The following THSD7A variants were observed in gnomAD, a reference collection of about 807,000 sequenced individuals.
THSD7A encodes the protein thrombospondin type-1 domain-containing protein 7A.
Under a neutral mutation model 231.3 loss-of-function variants are expected in THSD7A, and 96 were observed. That is an observed-to-expected ratio of 0.41 (90% confidence interval 0.35 to 0.49). THSD7A has a LOEUF of 0.49. THSD7A is among the 20% of genes least tolerant of loss of function. The pLI is 0.05. For missense variants in THSD7A, 2,290 were observed against 2,070.2 expected (o/e 1.11, Z -2.06); for synonymous variants, 940 against 743.3 (o/e 1.26, Z -4.30).
At chr7:11,419,205 CTT>C (rs1416203806) in intron 16 of THSD7A, among the ~76,000 whole-genome samples, 1 of 152,122 alleles carries the variant, frequency 6.6e-6, no homozygotes, top group Non-Finnish European at 1.5e-5. Flanking sequence ...AAAGATTTCT[CTT>C]GATATGATTT....
chr7:11,521,265 A>G (rs1265998629), intron 6 of THSD7A, among the ~76,000 whole-genome samples: 1 of 152,124 alleles, frequency 6.6e-6, no homozygotes, highest in African/African-American at 2.4e-5. Flanking sequence ...AATGTCATCT[A>G]GGTTACCTTT....
At chr7:11,587,574 C>G (rs183436109) in intron 4 of THSD7A, among the ~76,000 whole-genome samples, 1 of 152,136 alleles carries the variant, frequency 6.6e-6, no homozygotes, top group African/African-American at 2.4e-5. Flanking sequence ...TCTACTGACA[C>G]AAATAGCATA....
Position 11,542,827 on chromosome 7 carries a change from A to G in THSD7A, c.1609+135T>C, listed in dbSNP as rs569099944. 1.9e-4 allele frequency: 180 copies of G among 969,296 alleles called. No individual in the cohort carries two copies. In the African/African-American group the frequency reaches 2.7e-3, roughly 15 times the overall value. 60.0% of individuals were successfully genotyped at this position (969,296 alleles called of 1,614,324 possible). A position where few individuals can be genotyped will look rare whatever the true frequency, so the allele number is the denominator to read the frequency against. ...TACTATCACTGGAGAAGGTTAATTC[A>G]TCTTTTGAAATTAATAGTCTTTAGC... is the stretch of plus-strand genomic sequence containing the variant. On this transcript the variant is annotated intron_variant, in intron 5 of 27. Transcript: ENST00000423059.
Position 11,634,234 on chromosome 7 carries a change from T to A in THSD7A, c.1022+1896A>T, listed in dbSNP as rs1348528318. Among the ~76,000 whole-genome samples, 1 of 152,214 alleles carries A rather than the reference T, an allele frequency of 6.6e-6. No individual in the cohort carries two copies. The highest frequency in any genetic ancestry group is 1.9e-4 in the East Asian group (1 of 5,198). ...TCAATTTATTGGAAGTTATATATGC[T>A]ATTTCTAATGGGATACAAGTTCCTG... On this transcript the variant is annotated intron_variant, in intron 2 of 27. Transcript: ENST00000423059. The surrounding 1 kb of genome is among the most constrained non-coding windows in gnomAD (Gnocchi z 4.1).
At chr7:11,662,609 C>T (rs76606419) in intron 1 of THSD7A, among the ~76,000 whole-genome samples, 9,290 of 151,370 alleles carry the variant, frequency 0.061, 311 homozygotes, top group East Asian at 0.13. Context: ...TACTGCATAA[C>T]GAATACCATT....
intron 23 of THSD7A, among the ~76,000 whole-genome samples, chr7:11,396,969 G>T (rs1369576661): frequency 6.6e-6 from 1 of 152,028 alleles, no homozygotes; most frequent in Admixed American, 6.6e-5. Flanking sequence ...ATGCAAGGCG[G>T]GTTCAACATA....
chr7:11,801,981 T>G (rs1308967099), intron 1 of THSD7A, among the ~76,000 whole-genome samples: 12 of 152,224 alleles, frequency 7.9e-5, no homozygotes. Flanking sequence ...TCAGAGTAAG[T>G]ATTTCAATAT....
chr7:11,713,847 A>G (rs1359633253), intron 1 of THSD7A, among the ~76,000 whole-genome samples: 1 of 151,292 alleles, frequency 6.6e-6, no homozygotes, highest in Non-Finnish European at 1.5e-5. Context: ...TTTATTAAAT[A>G]GAATACTGGT....
At chr7:11,727,238 A>G (rs146642251) in intron 1 of THSD7A, among the ~76,000 whole-genome samples, 5 of 151,996 alleles carry the variant, frequency 3.3e-5, no homozygotes, top group East Asian at 2.0e-4. Context: ...CAGGTATTCA[A>G]TTTTGACTCT....
intron 2 of THSD7A, among the ~76,000 whole-genome samples, chr7:11,629,029 A>C (rs1781565539): frequency 6.6e-6 from 1 of 152,222 alleles, no homozygotes; most frequent in African/African-American, 2.4e-5. Flanking sequence ...AATCTGAGGT[A>C]GACCTAGAGC....
At chr7:11,418,576 T>C (rs1784037377) in intron 16 of THSD7A, among the ~76,000 whole-genome samples, 1 of 152,180 alleles carries the variant, frequency 6.6e-6, no homozygotes, top group Non-Finnish European at 1.5e-5. Context: ...CCTAGTGTCA[T>C]GTTTTAAAAT....
At chr7:11,777,699 C>A (rs1348206625) in intron 1 of THSD7A, among the ~76,000 whole-genome samples, 1 of 151,998 alleles carries the variant, frequency 6.6e-6, no homozygotes, top group African/African-American at 2.4e-5. Context: ...GAGAGGAAGG[C>A]GTTGGAGAAA....
intron 6 of THSD7A, among the ~76,000 whole-genome samples, chr7:11,503,526 A>C (rs1406354702): frequency 6.6e-6 from 1 of 152,162 alleles, no homozygotes; most frequent in African/African-American, 2.4e-5. Flanking sequence ...CAAAAAACCT[A>C]CAGAATAGGA....
chr7:11,568,422 G>A (rs950694553), intron 4 of THSD7A, among the ~76,000 whole-genome samples: 5 of 151,810 alleles, frequency 3.3e-5, no homozygotes, highest in African/African-American at 1.2e-4. Flanking sequence ...TCAGGAGATC[G>A]AGACCATCCT....
intron 23 of THSD7A, among the ~76,000 whole-genome samples, chr7:11,396,945 G>A (rs1467337821): frequency 6.6e-6 from 1 of 152,140 alleles, no homozygotes; most frequent in Non-Finnish European, 1.5e-5. Context: ...GATCAAGTCG[G>A]CTTCATCCCT....
chr7:11,506,766 C>T (rs993331973), intron 6 of THSD7A, among the ~76,000 whole-genome samples: 6 of 152,178 alleles, frequency 3.9e-5, no homozygotes, highest in African/African-American at 1.2e-4. Context: ...TTTGCTTATT[C>T]TGGGAATTCT....
intron 16 of THSD7A, 122 bp from the exon 17 acceptor site, chr7:11,417,725 G>A (rs1204261131): frequency 2.1e-5 from 20 of 950,120 alleles, no homozygotes; most frequent in Non-Finnish European, 2.8e-5. Context: ...CGTTATGGGG[G>A]TGGGGAGTAG....
At chr7:11,502,194 T>C (rs1022476472) in intron 6 of THSD7A, among the ~76,000 whole-genome samples, 5 of 152,124 alleles carry the variant, frequency 3.3e-5, no homozygotes, top group African/African-American at 1.2e-4. Flanking sequence ...GATTCATAGG[T>C]GAATTCTACC....
At chr7:11,442,423 C>T (rs1784835221) in intron 13 of THSD7A, among the ~76,000 whole-genome samples, 1 of 151,982 alleles carries the variant, frequency 6.6e-6, no homozygotes, top group Admixed American at 6.6e-5. Flanking sequence ...AACAGAAATA[C>T]CCCAAGGACA....
Sources: allele counts gnomAD v4.1 joint callset (sites outside exome capture counted in the v4.1 genomes callset), GRCh38; gene constraint gnomAD v4.1.1; non-coding constraint Gnocchi (gnomAD v3.1); transcripts MANE v1.5; gene names NCBI Gene and HGNC (gene_info 2026-07-23, HGNC 2026-07-21).